Variants in DIAPH3 observed in about 807,000 individuals in gnomAD.
DIAPH3 encodes the protein diaphanous related formin 3.
DIAPH3 carries 117 observed loss-of-function variants against 144.3 expected under a neutral mutation model. That is an observed-to-expected ratio of 0.81 (90% CI 0.70 to 0.95). The LOEUF (loss-of-function observed/expected upper bound fraction) is 0.95. Ranked by LOEUF, DIAPH3 falls within the 40% of genes least tolerant of loss-of-function variation. The pLI is 0.00. For missense variants in DIAPH3, 1,421 were observed against 1,412.7 expected (o/e 1.01, Z -0.09); for synonymous variants, 519 against 488.9 (o/e 1.06, Z -0.81).
At chr13:60,097,141 T>A (rs2058127366) in intron 3 of DIAPH3, among the ~76,000 whole-genome samples, 2 of 152,212 alleles carry the variant, frequency 1.3e-5, no homozygotes, top group Admixed American at 1.3e-4. Context: ...CTCGCCTTCC[T>A]GACAAAAGTA....
intron 25 of DIAPH3, among the ~76,000 whole-genome samples, chr13:59,796,768 G>A (rs1258315515): frequency 6.6e-6 from 1 of 152,170 alleles, no homozygotes; most frequent in Non-Finnish European, 1.5e-5. Flanking sequence ...TATAAGAAGA[G>A]AGTCATATTT....
At chr13:59,739,469 A>G (rs1593717077) in intron 27 of DIAPH3, among the ~76,000 whole-genome samples, 1 of 152,156 alleles carries the variant, frequency 6.6e-6, no homozygotes, top group African/African-American at 2.4e-5. Context: ...TTGAGTATTA[A>G]TGATTACAGC....
intron 1 of DIAPH3, among the ~76,000 whole-genome samples, chr13:60,159,643 G>C (rs566040534): frequency 7.3e-5 from 11 of 151,008 alleles, no homozygotes; most frequent in African/African-American, 1.7e-4. Flanking sequence ...AAAAAAGAAA[G>C]AAAGAAAGAA....
At chr13:60,021,362 C>T (rs191327512) in intron 5 of DIAPH3, among the ~76,000 whole-genome samples, 100 of 152,320 alleles carry the variant, frequency 6.6e-4, no homozygotes, top group African/African-American at 2.1e-3. Flanking sequence ...CCCTGGCTCA[C>T]GCCTGTAATC....
chr13:59,862,112 G>C (rs2043630126), intron 21 of DIAPH3, among the ~76,000 whole-genome samples: 1 of 152,236 alleles, frequency 6.6e-6, no homozygotes, highest in African/African-American at 2.4e-5. Flanking sequence ...AAATACAAAA[G>C]TGCATTAACA....
rs184302529 is a variant in DIAPH3 at position 60,014,462 on chromosome 13, C to G, written c.771+1451G>C. ...GAAAATAATATCTGTTTAGAGGAGG[C>G]AAGGAAGAAAAAATATTTCATTGGT... is the stretch of plus-strand genomic sequence containing the variant. On this transcript the variant is annotated intron_variant, in intron 7 of 27. Transcript: ENST00000400324. Among the ~76,000 whole-genome samples the G allele has an allele frequency of 6.6e-5, 10 of 151,708 alleles. No individual in the cohort carries two copies. In the East Asian group the frequency reaches 1.9e-3, roughly 29 times the overall value.
intron 27 of DIAPH3, among the ~76,000 whole-genome samples, chr13:59,685,837 T>C (rs1409710563): frequency 6.6e-6 from 1 of 152,076 alleles, no homozygotes. Context: ...TAAGAAAAAA[T>C]AAAGTTCTAT....
intron 27 of DIAPH3, among the ~76,000 whole-genome samples, chr13:59,739,306 G>A (rs2036319413): frequency 6.6e-6 from 1 of 152,146 alleles, no homozygotes; most frequent in South Asian, 2.1e-4. Context: ...AACTGTTGGA[G>A]GCTGCATGGT....
At chr13:59,681,500 T>A (rs951837272) in intron 27 of DIAPH3, among the ~76,000 whole-genome samples, 1 of 151,918 alleles carries the variant, frequency 6.6e-6, no homozygotes, top group African/African-American at 2.4e-5. Flanking sequence ...TTAAAAAAAA[T>A]TTTCAACTAT....
intron 1 of DIAPH3, among the ~76,000 whole-genome samples, chr13:60,136,769 A>G (rs1386771086): frequency 6.6e-6 from 1 of 151,976 alleles, no homozygotes; most frequent in Non-Finnish European, 1.5e-5. Context: ...CCCCGTCTCT[A>G]CTAAAAATAC....
At chr13:59,747,460 G>T (rs2036763210) in intron 27 of DIAPH3, among the ~76,000 whole-genome samples, 1 of 152,138 alleles carries the variant, frequency 6.6e-6, no homozygotes, top group Admixed American at 6.5e-5. Flanking sequence ...ACTCCTTCAA[G>T]GTTCCTTTAT....
chr13:59,791,221 C>T (rs2039309727), intron 25 of DIAPH3, among the ~76,000 whole-genome samples: 1 of 152,190 alleles, frequency 6.6e-6, no homozygotes, highest in Non-Finnish European at 1.5e-5. Context: ...CCTCCCACCT[C>T]AGCCTACCAA....
intron 5 of DIAPH3, among the ~76,000 whole-genome samples, chr13:60,024,893 A>C (rs55968362): frequency 0.045 from 6,914 of 152,202 alleles, 244 homozygotes; most frequent in Admixed American, 0.096. Flanking sequence ...GGACTGCCTC[A>C]TTATGCTCAC....
intron 27 of DIAPH3, among the ~76,000 whole-genome samples, chr13:59,762,537 G>A (rs1255027194): frequency 6.6e-6 from 1 of 152,098 alleles, no homozygotes; most frequent in Admixed American, 6.5e-5. Flanking sequence ...AAGTAAAATA[G>A]TATCTAGGAC....
chr13:59,778,288 T>C (rs2038531765), intron 25 of DIAPH3, among the ~76,000 whole-genome samples: 1 of 152,164 alleles, frequency 6.6e-6, no homozygotes. Flanking sequence ...ACCAATAAAT[T>C]CTTTACAATG....
At chr13:60,105,740 G>A (rs914761721) in intron 3 of DIAPH3, among the ~76,000 whole-genome samples, 1 of 152,052 alleles carries the variant, frequency 6.6e-6, no homozygotes, top group African/African-American at 2.4e-5. Context: ...TTTTTAGATT[G>A]TAAGAAATAG....
At chr13:59,741,147 C>G (rs983634795) in intron 27 of DIAPH3, among the ~76,000 whole-genome samples, 7 of 141,672 alleles carry the variant, frequency 4.9e-5, no homozygotes, top group African/African-American at 1.9e-4. Context: ...GAAGCAGGTG[C>G]TTTCTGAAAG....
At chr13:60,013,200 G>T in intron 7 of DIAPH3, 1 of 985,348 alleles carries the variant, frequency 1.0e-6, no homozygotes. Flanking sequence ...GAGGATCAAT[G>T]CCAGGTTCCG....
Position 59,992,540 on chromosome 13 carries a change from T to C in DIAPH3, c.1058A>G (p.Asp353Gly), listed in dbSNP as rs1566626388. ...GATGTGAAGCCTGAAATCCAAATCATCAGGAGATGTAACCAGGGCATTGAT... is the reference window on the plus strand; with the variant it reads ...GATGTGAAGCCTGAAATCCAAATCACCAGGAGATGTAACCAGGGCATTGAT... ...QLINALVTSP[D>G]DLDFRLHIRN... The change falls in exon 10 of 28, where the codon GAT (aspartate) becomes GGT (glycine). Residue 353 changes from aspartate (D) to glycine (G), a missense_variant. Transcript: ENST00000400324. 3 of 1,612,198 alleles carry C rather than the reference T, an allele frequency of 1.9e-6. No homozygotes were observed. Among genetic ancestry groups the C allele is most frequent in the Non-Finnish European group, 2.5e-6 (3 of 1,179,128 alleles).
Sources: allele counts gnomAD v4.1 joint callset (sites outside exome capture counted in the v4.1 genomes callset), GRCh38; gene constraint gnomAD v4.1.1; transcripts MANE v1.5; gene names NCBI Gene and HGNC (gene_info 2026-07-23, HGNC 2026-07-21).